RAB1A: variants seen among roughly 807,000 people sequenced by gnomAD.
The protein encoded by RAB1A is ras-related protein Rab-1A.
In RAB1A, 2 loss-of-function variants were observed where a neutral mutation model predicts 26.0. That is an observed-to-expected ratio of 0.08 (90% CI 0.03 to 0.24). RAB1A has a LOEUF of 0.24. RAB1A is among the 10% of genes least tolerant of loss of function. RAB1A has a pLI of 1.00. For synonymous variants in RAB1A, 84 were observed against 84.9 expected (o/e 0.99, Z 0.06); for missense variants, 100 against 247.0 (o/e 0.40, Z 3.99).
intron 3 of RAB1A, among the ~76,000 whole-genome samples, chr2:65,092,618 A>C (rs1669197586): frequency 6.6e-6 from 1 of 152,234 alleles, no homozygotes; most frequent in African/African-American, 2.4e-5. Flanking sequence ...ACAGCTGATT[A>C]AAGTAAGCAA....
At chr2:65,113,399 A>C (rs1179291720) in intron 1 of RAB1A, among the ~76,000 whole-genome samples, 3 of 152,088 alleles carry the variant, frequency 2.0e-5, no homozygotes. Context: ...CCAGCTACTT[A>C]GAAGGCTGAG....
At chr2:65,101,334 A>G (rs1207892233) in intron 2 of RAB1A, among the ~76,000 whole-genome samples, 2 of 152,166 alleles carry the variant, frequency 1.3e-5, no homozygotes, top group Non-Finnish European at 2.9e-5. Flanking sequence ...AGCTCAGGCA[A>G]TACTGAGTGT....
chr2:65,118,808 T>C (rs1669882833), intron 1 of RAB1A, among the ~76,000 whole-genome samples: 1 of 152,146 alleles, frequency 6.6e-6, no homozygotes, highest in South Asian at 2.1e-4. Context: ...CAAGCCTTCC[T>C]CCAAGGTAAA....
chr2:65,122,842 G>A (rs1388968393), intron 1 of RAB1A, among the ~76,000 whole-genome samples: 3 of 151,594 alleles, frequency 2.0e-5, no homozygotes, highest in Non-Finnish European at 4.4e-5. Context: ...CTGGCGGCGG[G>A]CACCTGTAGT....
intron 1 of RAB1A, among the ~76,000 whole-genome samples, chr2:65,117,411 C>G (rs1198763486): frequency 2.0e-5 from 3 of 151,962 alleles, no homozygotes; most frequent in African/African-American, 7.2e-5. Flanking sequence ...GTTGCTCAGG[C>G]TGATTTGAAC....
Position 65,087,499 on chromosome 2 carries a change from A to G in RAB1A, c.*994T>C, listed in dbSNP as rs992096131. On this transcript the variant is annotated 3_prime_UTR_variant, in exon 6 of 6. Coordinates refer to ENST00000409784, the MANE Select transcript of RAB1A (RefSeq NM_004161.5). ...CACACATTAGTCTGATCATTTGCCA[A>G]TTAGGAAAGGTGCTGCTTTCTACCT... The G allele has an allele frequency of 6.5e-6, 1 of 152,674 alleles. No individual in the cohort carries two copies. The highest frequency in any genetic ancestry group is 1.9e-4 in the East Asian group (1 of 5,196). The allele number at this position is 152,674 out of a possible 1,614,324, so 9.5% of individuals were successfully genotyped here. A position where few individuals can be genotyped will look rare whatever the true frequency, so the allele number is the denominator to read the frequency against.
At position 65,108,180 on chromosome 2, in the gene RAB1A, G is replaced by A. The variant is rs193006642; in HGVS notation, c.24-3374C>T. 6.9e-3 allele frequency among the ~76,000 whole-genome samples: 1,049 copies of A among 151,702 alleles called. 7 individuals carry two copies. Among genetic ancestry groups the A allele is most frequent in the Non-Finnish European group, 0.012 (800 of 67,950 alleles). ...AGTTCGAGACCAGCCAGGCCAACAC[G>A]ATGAAACCCCGCCTCTACTAAAAAT... is the stretch of plus-strand genomic sequence containing the variant. On this transcript the variant is annotated intron_variant, in intron 1 of 5. Coordinates refer to ENST00000409784, the MANE Select transcript of RAB1A (RefSeq NM_004161.5).
chr2:65,105,982 G>A lies in RAB1A; in HGVS notation c.24-1176C>T, dbSNP rs140169105. Reference sequence around the variant, plus strand: ...TCACCGTGTTGGCCAGGATGGTCTCGATCTCCTGACCTCATGATCTGCCCG... The same window carrying A: ...TCACCGTGTTGGCCAGGATGGTCTCAATCTCCTGACCTCATGATCTGCCCG... On this transcript the variant is annotated intron_variant, in intron 1 of 5. Transcript: ENST00000409784. 7.3e-3 allele frequency among the ~76,000 whole-genome samples: 1,112 copies of A among 152,162 alleles called. 14 individuals carry two copies. Among genetic ancestry groups the A allele is most frequent in the African/African-American group, 0.026 (1,063 of 41,522 alleles).
chr2:65,128,471 T>A (rs562620456), intron 1 of RAB1A, among the ~76,000 whole-genome samples: 125 of 152,102 alleles, frequency 8.2e-4, no homozygotes, highest in Non-Finnish European at 1.6e-3. Flanking sequence ...GAAAAAAAAT[T>A]TTTTTTAAAC....
chr2:65,114,261 C>T, intron 1 of RAB1A: 1 of 275,238 alleles, frequency 3.6e-6, no homozygotes, highest in Non-Finnish European at 7.5e-6. Context: ...CAACTTTCAA[C>T]ATTCCACCCT....
intron 1 of RAB1A, chr2:65,105,508 T>C (rs1384879371): frequency 4.1e-5 from 3 of 73,376 alleles, no homozygotes; most frequent in African/African-American, 1.4e-4. Flanking sequence ...CGAAACTCTG[T>C]CTCAAAAAAA....
At chr2:65,100,750 C>A (rs565581526) in intron 2 of RAB1A, among the ~76,000 whole-genome samples, 3 of 130,016 alleles carry the variant, frequency 2.3e-5, no homozygotes, top group Non-Finnish European at 4.7e-5. Context: ...CAGAGCGAGA[C>A]TCCATCTCAA....
intron 1 of RAB1A, among the ~76,000 whole-genome samples, chr2:65,123,943 T>C (rs187798328): frequency 6.6e-6 from 1 of 152,110 alleles, no homozygotes; most frequent in Non-Finnish European, 1.5e-5. Context: ...TTAAAAACTG[T>C]CTAACATCCC....
At position 65,111,943 on chromosome 2, in the gene RAB1A, C is replaced by T. The variant is rs528271982; in HGVS notation, c.24-7137G>A. On this transcript the variant is annotated intron_variant, in intron 1 of 5. Coordinates refer to ENST00000409784, the MANE Select transcript of RAB1A (RefSeq NM_004161.5). ...TACTAAAAATACAAAATTAGCCGGG[C>T]GTGGTGGCACGCACCTGTAGTCTCA... Among the ~76,000 whole-genome samples the T allele has an allele frequency of 7.2e-5, 11 of 151,858 alleles. No homozygotes were observed. The East Asian group carries it at 1.8e-3, about 24-fold the overall frequency.
At chr2:65,092,712 CAA>C (rs1313387921) in intron 3 of RAB1A, among the ~76,000 whole-genome samples, 2 of 152,200 alleles carry the variant, frequency 1.3e-5, no homozygotes, top group African/African-American at 4.8e-5. Context: ...CTCCTGGGCT[CAA>C]GTGTTCCTCC....
At chr2:65,110,256 A>G (rs1162943506) in intron 1 of RAB1A, among the ~76,000 whole-genome samples, 1 of 152,088 alleles carries the variant, frequency 6.6e-6, no homozygotes, top group African/African-American at 2.4e-5. Context: ...CCTGGCTAAC[A>G]TGGTGAAACC....
Position 65,130,023 on chromosome 2 carries a change from G to C in RAB1A, c.-108C>G. 7.9e-7 allele frequency: 1 copy of C among 1,267,696 alleles called. No individual in the cohort carries two copies. Among genetic ancestry groups the C allele is most frequent in the Non-Finnish European group, 1.1e-6 (1 of 892,622 alleles). 78.5% of individuals were successfully genotyped at this position (1,267,696 alleles called of 1,614,324 possible). Reference sequence around the variant, plus strand: ...AGAAAGGAATGAGATAGGCTGTTCCGGGAGAGCAAACGTCTTCCCCTACTC... The same window carrying C: ...AGAAAGGAATGAGATAGGCTGTTCCCGGAGAGCAAACGTCTTCCCCTACTC... On this transcript the variant is annotated 5_prime_UTR_variant, in exon 1 of 6. Transcript: ENST00000409784.
At chr2:65,118,342 G>A (rs1669871901) in intron 1 of RAB1A, among the ~76,000 whole-genome samples, 2 of 152,030 alleles carry the variant, frequency 1.3e-5, no homozygotes, top group African/African-American at 4.8e-5. Context: ...GTTTGAACAT[G>A]AGTCATTTTC....
chr2:65,128,134 ACG>A (rs1476352557), intron 1 of RAB1A, among the ~76,000 whole-genome samples: 2 of 152,110 alleles, frequency 1.3e-5, no homozygotes, highest in Non-Finnish European at 2.9e-5. Context: ...GAATGCTCAC[ACG>A]GTTTTTCAAA....
Sources: allele counts gnomAD v4.1 joint callset (sites outside exome capture counted in the v4.1 genomes callset), GRCh38; gene constraint gnomAD v4.1.1; transcripts MANE v1.5; gene names NCBI Gene and HGNC (gene_info 2026-07-23, HGNC 2026-07-21).